WDR53: variants seen among roughly 807,000 people sequenced by gnomAD.
WDR53 encodes WD repeat domain 53.
In WDR53, 19 loss-of-function variants were observed where a neutral mutation model predicts 21.3. The observed-to-expected ratio is 0.89, with a 90% CI of 0.62 to 1.31. The LOEUF (loss-of-function observed/expected upper bound fraction) is 1.31, where lower values mean the gene tolerates loss of function less well. Among genes scored for constraint, WDR53 ranks in the 50% most tolerant of loss-of-function variants. WDR53 has a pLI of 0.00. For synonymous variants in WDR53, 157 were observed against 163.4 expected, an observed-to-expected ratio of 0.96 and a Z score of 0.30; for missense variants, 374 against 423.2, an observed-to-expected ratio of 0.88 and a Z score of 1.02.
Position 196,567,101 on chromosome 3 carries a change from T to C in WDR53, c.-241A>G, listed in dbSNP as rs1735476448. 6.6e-6 allele frequency: 3 copies of C among 456,292 alleles called. No homozygotes were observed. The highest frequency in any genetic ancestry group is 1.3e-5 in the Non-Finnish European group (3 of 226,642). The allele number at this position is 456,292 out of a possible 1,614,324, so 28.3% of individuals were successfully genotyped here. A position where few individuals can be genotyped will look rare whatever the true frequency, so the allele number is the denominator to read the frequency against. On this transcript the variant is annotated 5_prime_UTR_variant, in exon 2 of 4. Transcript: ENST00000332629. ...TCAAGAGTCTGTGCCTCTAAGGCTG[T>C]TCATTCTGTCTAGTTCATGATCCCT...
At chr3:196,562,633 T>C (rs1734994890) in intron 2 of WDR53, among the ~76,000 whole-genome samples, 2 of 152,192 alleles carry the variant, frequency 1.3e-5, no homozygotes, top group Admixed American at 1.3e-4. Flanking sequence ...ATTAAACTAA[T>C]GACCACCTGG....
At position 196,554,193 on chromosome 3, in the gene WDR53, C is replaced by T. The variant is rs761581645; in HGVS notation, c.*18G>A. ...GAAAAACAGTTTTGCCACAATTCTT[C>T]AAATGTTTTTATTGGATTTAAAATT... On this transcript the variant is annotated 3_prime_UTR_variant, in exon 4 of 4. Coordinates refer to ENST00000332629, the MANE Select transcript of WDR53 (RefSeq NM_182627.3). 1.3e-6 allele frequency: 2 copies of T among 1,501,132 alleles called. No homozygotes were observed. Among genetic ancestry groups the T allele is most frequent in the Admixed American group, 2.2e-5 (1 of 45,748 alleles). 93.0% of individuals were successfully genotyped at this position (1,501,132 alleles called of 1,614,324 possible). A position where few individuals can be genotyped will look rare whatever the true frequency, so the allele number is the denominator to read the frequency against.
intron 2 of WDR53, 71 bp from the exon 3 acceptor site, chr3:196,561,562 TAAACA>T: frequency 1.4e-6 from 2 of 1,393,512 alleles, no homozygotes; most frequent in Non-Finnish European, 1.9e-6. Context: ...ACAGATGTAA[TAAACA>T]ATATTTCATC....
intron 3 of WDR53, among the ~76,000 whole-genome samples, chr3:196,558,687 CT>C (rs1734556668): frequency 6.6e-6 from 1 of 152,356 alleles, no homozygotes; most frequent in East Asian, 1.9e-4. Context: ...CTCCCTTCCA[CT>C]ATTACTGTGC....
At chr3:196,562,359 TC>T (rs982131084) in intron 2 of WDR53, among the ~76,000 whole-genome samples, 17 of 152,202 alleles carry the variant, frequency 1.1e-4, no homozygotes, top group Non-Finnish European at 8.8e-5. Context: ...CCTCCCGGGT[TC>T]CAGCAATTTT....
At chr3:196,554,908 G>T in intron 3 of WDR53, 101 bp from the exon 4 acceptor site, 1 of 958,414 alleles carries the variant, frequency 1.0e-6, no homozygotes, top group Non-Finnish European at 1.6e-6. Flanking sequence ...AGTAGTCTGA[G>T]AATGAGCAGT....
At chr3:196,556,721 C>T (rs191834678) in intron 3 of WDR53, among the ~76,000 whole-genome samples, 30 of 151,812 alleles carry the variant, frequency 2.0e-4, no homozygotes, top group Non-Finnish European at 4.0e-4. Context: ...AATCTGCTAG[C>T]TTCACTGTAT....
At chr3:196,564,392 T>TTC (rs1735173032) in intron 2 of WDR53, among the ~76,000 whole-genome samples, 1 of 111,478 alleles carries the variant, frequency 9.0e-6, no homozygotes. Flanking sequence ...TTTTTTCTTT[T>TTC]TTCTTTTTTT....
chr3:196,565,496 T>G (rs1735293510), intron 2 of WDR53, among the ~76,000 whole-genome samples: 1 of 139,918 alleles, frequency 7.1e-6, no homozygotes, highest in South Asian at 2.3e-4. Context: ...ACCTGGGAGG[T>G]GGAGGTTGCA....
At chr3:196,564,382 T>A (rs1018120639) in intron 2 of WDR53, among the ~76,000 whole-genome samples, 2 of 59,766 alleles carry the variant, frequency 3.3e-5, no homozygotes, top group African/African-American at 1.7e-4. Flanking sequence ...GATTTCAATT[T>A]TTTTTCTTTT....
At position 196,554,722 on chromosome 3, in the gene WDR53, T is replaced by C; in HGVS notation, c.566A>G (p.Gln189Arg). ...EDETEEMEGP[Q>R]SPGQLLNPAL... ...AGGGTTTAAGAGCTGACCAGGTGAC[T>C]GTGGGCCTTCCATTTCTTCTGTTTC... Residue 189 changes from glutamine to arginine, a missense_variant, in exon 4 of 4, where the codon CAG becomes CGG. Coordinates refer to ENST00000332629, the MANE Select transcript of WDR53 (RefSeq NM_182627.3). The C allele has an allele frequency of 6.2e-7, 1 of 1,614,208 alleles. No homozygotes were observed. Among genetic ancestry groups the C allele is most frequent in the Non-Finnish European group, 8.5e-7 (1 of 1,180,030 alleles).
At chr3:196,559,175 C>G (rs1326449634) in intron 3 of WDR53, among the ~76,000 whole-genome samples, 1 of 152,238 alleles carries the variant, frequency 6.6e-6, no homozygotes, top group African/African-American at 2.4e-5. Flanking sequence ...CAAAGACACA[C>G]TGTACAATCT....
chr3:196,564,846 G>A (rs1037017915), intron 2 of WDR53, among the ~76,000 whole-genome samples: 1 of 152,162 alleles, frequency 6.6e-6, no homozygotes, highest in South Asian at 2.1e-4. Context: ...AAACAAGAAT[G>A]AGGCAAGGTT....
intron 3 of WDR53, among the ~76,000 whole-genome samples, chr3:196,558,666 A>G (rs115712720): frequency 2.3e-4 from 35 of 152,372 alleles, no homozygotes; most frequent in African/African-American, 8.4e-4. Flanking sequence ...AGTAACTCAA[A>G]ATAGTCAGAA....
At position 196,568,093 on chromosome 3, in the gene WDR53, A is replaced by C. The variant is rs376567939; in HGVS notation, c.-448+426T>G. 7.9e-5 allele frequency among the ~76,000 whole-genome samples: 12 copies of C among 152,320 alleles called. No individual in the cohort carries two copies. The South Asian group carries it at 2.5e-3, about 32-fold the overall frequency. The stretch of plus-strand genomic sequence containing the variant: ...CATCTGCTTACTAAGCGGTGGATCC[A>C]GTAAAGACCACATCTTGTCCAAAAG... On this transcript the variant is annotated intron_variant, in intron 1 of 3. Coordinates refer to ENST00000332629, the MANE Select transcript of WDR53 (RefSeq NM_182627.3).
intron 2 of WDR53, among the ~76,000 whole-genome samples, chr3:196,561,942 C>A (rs1734909668): frequency 6.6e-6 from 1 of 152,178 alleles, no homozygotes. Context: ...GAACCTGTCA[C>A]CCACTTTTCT....
At chr3:196,566,575 G>A (rs1414971821) in intron 2 of WDR53, among the ~76,000 whole-genome samples, 4 of 151,968 alleles carry the variant, frequency 2.6e-5, no homozygotes, top group Admixed American at 6.6e-5. Flanking sequence ...CACCACGCCC[G>A]GTTAATTTTT....
intron 2 of WDR53, among the ~76,000 whole-genome samples, chr3:196,565,653 T>G (rs1735319489): frequency 6.6e-6 from 1 of 152,198 alleles, no homozygotes; most frequent in Non-Finnish European, 1.5e-5. Flanking sequence ...TTATGCAAAC[T>G]ATTGATCAGC....
intron 2 of WDR53, among the ~76,000 whole-genome samples, chr3:196,564,202 G>C (rs1735151451): frequency 6.6e-6 from 1 of 151,994 alleles, no homozygotes; most frequent in Non-Finnish European, 1.5e-5. Context: ...ATGCCGTAAC[G>C]AAGACTGTTG....
Sources: allele counts gnomAD v4.1 joint callset (sites outside exome capture counted in the v4.1 genomes callset), GRCh38; gene constraint gnomAD v4.1.1; transcripts MANE v1.5; gene names NCBI Gene and HGNC (gene_info 2026-07-23, HGNC 2026-07-21).